UGP2: variants seen among roughly 807,000 people sequenced by gnomAD.
UGP2 encodes the protein UTP--glucose-1-phosphate uridylyltransferase.
In UGP2, 40 loss-of-function variants were observed where a neutral mutation model predicts 49.0. The ratio of observed to expected loss-of-function variants is 0.82; its 90% CI spans 0.63 to 1.06. The LOEUF (loss-of-function observed/expected upper bound fraction) is 1.06. Among genes scored for constraint, UGP2 ranks in the 50% least tolerant of loss-of-function variants. The pLI, the probability that UGP2 is intolerant of heterozygous loss-of-function variation, is 0.00. For missense variants in UGP2, 460 were observed against 603.5 expected (o/e 0.76, Z 2.49); for synonymous variants, 225 against 213.0 (o/e 1.06, Z -0.49).
chr2:63,850,009 T>TGG (rs1668942712), intron 1 of UGP2, among the ~76,000 whole-genome samples: 1 of 152,214 alleles, frequency 6.6e-6, no homozygotes, highest in East Asian at 1.9e-4. Context: ...GTGAGGCCTT[T>TGG]TGTGATGACT....
intron 3 of UGP2, among the ~76,000 whole-genome samples, chr2:63,873,922 C>T: frequency 6.6e-6 from 1 of 152,180 alleles, no homozygotes; most frequent in East Asian, 1.9e-4. Context: ...CTCTGCCACC[C>T]TTATCTCCTC....
intron 9 of UGP2, 69 bp from the exon 10 acceptor site, chr2:63,891,051 T>TG: frequency 2.3e-6 from 3 of 1,321,484 alleles, no homozygotes; most frequent in Non-Finnish European, 3.1e-6. Context: ...TACATAAACT[T>TG]GATCACTGTA....
intron 3 of UGP2, among the ~76,000 whole-genome samples, chr2:63,866,297 T>G (rs1328981609): frequency 2.6e-5 from 4 of 152,252 alleles, no homozygotes; most frequent in Non-Finnish European, 5.9e-5. Context: ...GGTGAATGAA[T>G]GTAGACTTAT....
chr2:63,872,002 G>T (rs1184343047), intron 3 of UGP2, among the ~76,000 whole-genome samples: 2 of 152,198 alleles, frequency 1.3e-5, no homozygotes, highest in Non-Finnish European at 2.9e-5. Context: ...TTCAGCCATG[G>T]TAGCATGAAA....
intron 9 of UGP2, among the ~76,000 whole-genome samples, chr2:63,890,450 A>C (rs1672034804): frequency 6.6e-6 from 1 of 152,238 alleles, no homozygotes. Context: ...CACTGTAAGA[A>C]TATTCATTTA....
chr2:63,843,876 T>C (rs1671749966), intron 1 of UGP2, among the ~76,000 whole-genome samples: 1 of 152,104 alleles, frequency 6.6e-6, no homozygotes, highest in Non-Finnish European at 1.5e-5. Context: ...CCACTTTTTT[T>C]CTTTTTTCTT....
chr2:63,887,782 A>G, intron 8 of UGP2, 138 bp downstream of exon 8: 1 of 1,129,620 alleles, frequency 8.9e-7, no homozygotes, highest in East Asian at 2.5e-5. Flanking sequence ...TACCTTTTAA[A>G]GGGAATTGAC....
At chr2:63,876,678 C>T (rs1670926132) in intron 3 of UGP2, among the ~76,000 whole-genome samples, 1 of 152,176 alleles carries the variant, frequency 6.6e-6, no homozygotes, top group Non-Finnish European at 1.5e-5. Context: ...CTTTCTGCCC[C>T]CTTAACTTAG....
At chr2:63,873,464 T>C (rs758539795) in intron 3 of UGP2, among the ~76,000 whole-genome samples, 1 of 152,190 alleles carries the variant, frequency 6.6e-6, no homozygotes, top group Non-Finnish European at 1.5e-5. Flanking sequence ...GTGAAGTAAA[T>C]TGTAAGCAAA....
intron 1 of UGP2, among the ~76,000 whole-genome samples, chr2:63,853,391 T>C (rs538575056): frequency 6.6e-6 from 1 of 152,278 alleles, no homozygotes; most frequent in South Asian, 2.1e-4. Flanking sequence ...TAGCTTTATC[T>C]TGATTATTTC....
intron 1 of UGP2, among the ~76,000 whole-genome samples, chr2:63,844,635 C>T (rs1385272523): frequency 6.6e-6 from 1 of 152,168 alleles, no homozygotes; most frequent in Non-Finnish European, 1.5e-5. Flanking sequence ...GATCACAGCT[C>T]ACTGCAGCCT....
chr2:63,880,153 T>TCCCCTTC (rs1169365200), intron 3 of UGP2, among the ~76,000 whole-genome samples: 3 of 141,700 alleles, frequency 2.1e-5, no homozygotes, highest in Admixed American at 1.4e-4. Context: ...CTCTCCCCTC[T>TCCCCTTC]CCCCTTCCCC....
chr2:63,885,900 G>A lies in UGP2; in HGVS notation c.873+14G>A, dbSNP rs533492903. The A allele has an allele frequency of 1.1e-5, 17 of 1,542,556 alleles. No individual in the cohort carries two copies. The highest frequency in any genetic ancestry group is 1.4e-5 in the African/African-American group (1 of 72,044). On this transcript the variant is annotated intron_variant, in intron 6 of 9. Transcript: ENST00000337130. ...GCAGATGTAAAGGTAAATACCGAGA[G>A]GAAGCAGTTTAGGGCTTCATGTTTT...
chr2:63,848,965 G>A (rs1668860696), intron 1 of UGP2, among the ~76,000 whole-genome samples: 1 of 152,136 alleles, frequency 6.6e-6, no homozygotes. Context: ...AATCGATTGT[G>A]CCCCCAATCC....
intron 3 of UGP2, among the ~76,000 whole-genome samples, chr2:63,881,161 G>T (rs1171383668): frequency 6.6e-6 from 1 of 152,168 alleles, no homozygotes; most frequent in South Asian, 2.1e-4. Flanking sequence ...CAGGGTAGAA[G>T]AAATAAGAAC....
At chr2:63,887,300 G>C in intron 7 of UGP2, 102 bp from the exon 8 acceptor site, 1 of 1,490,570 alleles carries the variant, frequency 6.7e-7, no homozygotes, top group South Asian at 1.4e-5. Flanking sequence ...TCCATCAATG[G>C]ATCTCTGAAA....
At chr2:63,847,819 C>A (rs1432779886) in intron 1 of UGP2, among the ~76,000 whole-genome samples, 1 of 152,184 alleles carries the variant, frequency 6.6e-6, no homozygotes. Flanking sequence ...ATATTCACTT[C>A]TTTTGTGATT....
intron 3 of UGP2, among the ~76,000 whole-genome samples, chr2:63,870,236 T>A (rs1037452266): frequency 1.2e-4 from 18 of 152,182 alleles, no homozygotes; most frequent in Admixed American, 3.3e-4. Flanking sequence ...AATTAATTTT[T>A]AAAAACCCCA....
At chr2:63,889,827 AAG>A (rs1553467761) in intron 8 of UGP2, 2 of 312,570 alleles carry the variant, frequency 6.4e-6, no homozygotes, top group African/African-American at 4.4e-5. Flanking sequence ...TAAAAAAAAA[AAG>A]AAAAAAAACC....
Sources: allele counts gnomAD v4.1 joint callset (sites outside exome capture counted in the v4.1 genomes callset), GRCh38; gene constraint gnomAD v4.1.1; transcripts MANE v1.5; gene names NCBI Gene and HGNC (gene_info 2026-07-23, HGNC 2026-07-21).